Variants in RBM20 observed in about 807,000 individuals in gnomAD.
The protein encoded by RBM20 is RNA-binding protein 20.
Under a neutral mutation model 110.1 loss-of-function variants are expected in RBM20, and 51 were observed. That is an observed-to-expected ratio of 0.46 (90% CI 0.37 to 0.59). RBM20 has a LOEUF of 0.59. Ranked by LOEUF, RBM20 falls within the 20% of genes least tolerant of loss-of-function variation. RBM20 has a pLI of 0.00. For missense variants in RBM20, 1,512 were observed against 1,574.9 expected (o/e 0.96, Z 0.68); for synonymous variants, 589 against 618.2 (o/e 0.95, Z 0.70).
intron 1 of RBM20, among the ~76,000 whole-genome samples, chr10:110,665,247 G>A (rs1343597759): frequency 2.6e-5 from 4 of 152,128 alleles, no homozygotes; most frequent in South Asian, 2.1e-4. Context: ...GCAACCCCTG[G>A]TGAATAATGA....
intron 7 of RBM20, among the ~76,000 whole-genome samples, chr10:110,806,697 T>C (rs1025015162): frequency 3.3e-5 from 5 of 152,230 alleles, no homozygotes; most frequent in Non-Finnish European, 7.3e-5. Flanking sequence ...GGTAATGGAT[T>C]CTTCGGGGTT....
Position 110,781,248 on chromosome 10 carries a change from C to A in RBM20, c.639C>A (p.Ile213=). 1 of 1,551,728 alleles carries A rather than the reference C, an allele frequency of 6.4e-7. No individual in the cohort carries two copies. The highest frequency in any genetic ancestry group is 1.2e-5 in the South Asian group (1 of 84,064). ...MPQTPGQPAV[I]LGIGKTGPAP... ...AGACCCCTGGCCAGCCAGCAGTCATCTTGGGCATTGGCAAGACTGGGCCTG... is the reference window on the plus strand; with the variant it reads ...AGACCCCTGGCCAGCCAGCAGTCATATTGGGCATTGGCAAGACTGGGCCTG... Residue 213 remains isoleucine, a synonymous_variant, in exon 2 of 14, where the codon ATC becomes ATA. Transcript: ENST00000369519.
At position 110,807,961 on chromosome 10, in the gene RBM20, C is replaced by G. The variant is rs185930349; in HGVS notation, c.1801-2422C>G. On this transcript the variant is annotated intron_variant, in intron 7 of 13. Transcript: ENST00000369519. ...TTCCCGGCGATGGCAGATCTCATGT[C>G]ATGGTCTTGGTCCTGATGGTTCCCA... Among the ~76,000 whole-genome samples the G allele has an allele frequency of 3.3e-5, 5 of 152,344 alleles. No individual in the cohort carries two copies. In the South Asian group the frequency reaches 6.2e-4, roughly 19 times the overall value.
chr10:110,751,356 C>T (rs1308150543), intron 1 of RBM20, among the ~76,000 whole-genome samples: 1 of 152,214 alleles, frequency 6.6e-6, no homozygotes, highest in Non-Finnish European at 1.5e-5. Context: ...TTCATCTCCA[C>T]AGCATCATTT....
rs1018077084 is a variant in RBM20 at position 110,821,199 on chromosome 10, CT to C, written c.2656-74del. 3.1e-6 allele frequency: 4 copies of C among 1,280,284 alleles called. No homozygotes were observed. In the African/African-American group the frequency reaches 5.9e-5, roughly 19 times the overall value. The allele number at this position is 1,280,284 out of a possible 1,614,324, so 79.3% of individuals were successfully genotyped here. ...CAGATTCTTCCTGATTTGAGTGGTC[CT>C]TATGGCCAAGTCTTGTGCCTTCCAG... On this transcript the variant is annotated intron_variant, in intron 10 of 13. Coordinates refer to ENST00000369519, the MANE Select transcript of RBM20 (RefSeq NM_001134363.3).
chr10:110,835,774 G>T lies in RBM20; in HGVS notation c.3574-94G>T, dbSNP rs984436573. ...CCCCCACAGCTGGGCACAGATGCCAGGAGAGGGATGATTGAGGCATGTCCG... is the reference window on the plus strand; with the variant it reads ...CCCCCACAGCTGGGCACAGATGCCATGAGAGGGATGATTGAGGCATGTCCG... On this transcript the variant is annotated intron_variant, in intron 13 of 13. Coordinates refer to ENST00000369519, the MANE Select transcript of RBM20 (RefSeq NM_001134363.3). 5.4e-6 allele frequency: 7 copies of T among 1,295,212 alleles called. No individual in the cohort carries two copies. In the African/African-American group the frequency reaches 1.0e-4, roughly 19 times the overall value. The allele number at this position is 1,295,212 out of a possible 1,614,324, so 80.2% of individuals were successfully genotyped here.
At chr10:110,669,856 A>T (rs564694538) in intron 1 of RBM20, among the ~76,000 whole-genome samples, 2 of 152,362 alleles carry the variant, frequency 1.3e-5, no homozygotes, top group East Asian at 3.9e-4. Flanking sequence ...CAGTGACTAA[A>T]AGGTACTCTA....
chr10:110,797,997 A>G (rs1208315971), intron 6 of RBM20, among the ~76,000 whole-genome samples: 2 of 152,140 alleles, frequency 1.3e-5, no homozygotes, highest in Admixed American at 6.5e-5. Context: ...GCTAATTATA[A>G]TCTTATCCTC....
Position 110,812,848 on chromosome 10 carries a change from C to A in RBM20, c.2451C>A (p.Gly817=), listed in dbSNP as rs1346044592. 2 of 1,511,678 alleles carry A rather than the reference C, an allele frequency of 1.3e-6. No individual in the cohort carries two copies. The allele number at this position is 1,511,678 out of a possible 1,614,324, so 93.6% of individuals were successfully genotyped here. The stretch of plus-strand genomic sequence containing the variant: ...CAAAGGTCACTAGGGCCCCTGAGGG[C>A]GCCAAGGCCAAGCAGAATGAGAAAA... ...LGPKVTRAPE[G]AKAKQNEKNK... The change falls in exon 9 of 14, where the codon GGC becomes GGA. Residue 817 remains glycine (G), a synonymous_variant. Transcript: ENST00000369519.
At chr10:110,647,215 C>T (rs1358928123) in intron 1 of RBM20, among the ~76,000 whole-genome samples, 1 of 152,156 alleles carries the variant, frequency 6.6e-6, no homozygotes, top group Non-Finnish European at 1.5e-5. Flanking sequence ...TAGAGAACTG[C>T]CGTATACTAC....
intron 1 of RBM20, among the ~76,000 whole-genome samples, chr10:110,728,648 C>T (rs1298646305): frequency 6.6e-5 from 10 of 152,132 alleles, no homozygotes; most frequent in African/African-American, 2.4e-4. Context: ...TTTGCCCAAT[C>T]ATAATGCTTC....
intron 11 of RBM20, 86 bp from the exon 12 acceptor site, chr10:110,823,394 A>G (rs1844939009): frequency 2.1e-6 from 3 of 1,460,072 alleles, no homozygotes; most frequent in Non-Finnish European, 2.7e-6. Flanking sequence ...CTATGCAGGC[A>G]TAGAATTTCA....
intron 12 of RBM20, among the ~76,000 whole-genome samples, chr10:110,826,629 C>T (rs1844985313): frequency 1.3e-5 from 2 of 150,128 alleles, no homozygotes; most frequent in African/African-American, 4.9e-5. Flanking sequence ...GTTACCCAGG[C>T]GGGAGTACAG....
intron 1 of RBM20, among the ~76,000 whole-genome samples, chr10:110,735,274 C>T (rs1480177144): frequency 6.6e-6 from 1 of 152,128 alleles, no homozygotes; most frequent in Admixed American, 6.5e-5. Flanking sequence ...TTCTGGCAAC[C>T]AGTAGGGGTC....
Position 110,802,596 on chromosome 10 carries a change from C to A in RBM20, c.1800+2678C>A, listed in dbSNP as rs191531986. On this transcript the variant is annotated intron_variant, in intron 7 of 13. Transcript: ENST00000369519. ...AATTAGGATTAACGGCAGTAATTGG[C>A]TTCTTAAATTAAAGTACCAAAGCAT... Among the ~76,000 whole-genome samples the A allele has an allele frequency of 3.9e-5, 6 of 152,266 alleles. No individual in the cohort carries two copies. The East Asian group carries it at 9.6e-4, about 24-fold the overall frequency.
chr10:110,728,296 G>A (rs1590640135), intron 1 of RBM20, among the ~76,000 whole-genome samples: 2 of 152,104 alleles, frequency 1.3e-5, no homozygotes, highest in East Asian at 3.9e-4. Flanking sequence ...ATGCTGCATG[G>A]CCCAGGGCCC....
intron 7 of RBM20, among the ~76,000 whole-genome samples, chr10:110,808,011 C>T (rs1436529064): frequency 6.6e-6 from 1 of 152,230 alleles, no homozygotes; most frequent in Non-Finnish European, 1.5e-5. Flanking sequence ...CTCTGCTGCT[C>T]CCCTGGTGCC....
At chr10:110,801,177 C>G (rs1280497535) in intron 7 of RBM20, among the ~76,000 whole-genome samples, 2 of 151,982 alleles carry the variant, frequency 1.3e-5, no homozygotes, top group East Asian at 3.9e-4. Context: ...CCCTGTAATC[C>G]CAGCACTTTG....
chr10:110,668,704 T>C (rs1048617419), intron 1 of RBM20, among the ~76,000 whole-genome samples: 2 of 152,104 alleles, frequency 1.3e-5, no homozygotes, highest in African/African-American at 2.4e-5. Flanking sequence ...TTAAATTCCC[T>C]CTTTGAAATC....
Sources: allele counts gnomAD v4.1 joint callset (sites outside exome capture counted in the v4.1 genomes callset), GRCh38; gene constraint gnomAD v4.1.1; transcripts MANE v1.5; gene names NCBI Gene and HGNC (gene_info 2026-07-23, HGNC 2026-07-21).